The following STAP2 variants were observed in gnomAD, a reference collection of about 807,000 sequenced individuals.
STAP2 encodes the protein signal transducing adaptor family member 2.
In STAP2, 58 loss-of-function variants were observed where a neutral mutation model predicts 52.7. That is an observed-to-expected ratio of 1.10 (90% confidence interval 0.89 to 1.37). The LOEUF (loss-of-function observed/expected upper bound fraction) is 1.37. STAP2 is among the 40% of genes most tolerant of loss of function. The pLI, the probability that STAP2 is intolerant of heterozygous loss-of-function variation, is 0.00. For missense variants in STAP2, 522 were observed against 519.4 expected (o/e 1.00, Z -0.05); for synonymous variants, 231 against 210.5 (o/e 1.10, Z -0.84).
intron 4 of STAP2, 98 bp from the exon 5 acceptor site, chr19:4,330,159 G>A: frequency 1.1e-6 from 1 of 887,148 alleles, no homozygotes; most frequent in South Asian, 1.4e-5. Context: ...AGAGCTCAGA[G>A]CAATGAACTC....
chr19:4,334,820 C>CATCTGTCCATCCACCCACTGTCCA (rs1568388590), intron 1 of STAP2, among the ~76,000 whole-genome samples: 1 of 4,818 alleles, frequency 2.1e-4, no homozygotes, highest in Admixed American at 2.6e-3. Flanking sequence ...CATCCATCCA[C>CATCTGTCCATCCACCCACTGTCCA]TCATCCATCC....
chr19:4,332,918 C>T (rs1388573995), intron 3 of STAP2, among the ~76,000 whole-genome samples: 4 of 151,234 alleles, frequency 2.6e-5, no homozygotes, highest in African/African-American at 4.9e-5. Context: ...GGCCAGCCAC[C>T]GTGACTCATG....
intron 1 of STAP2, among the ~76,000 whole-genome samples, chr19:4,336,194 G>A (rs898992150): frequency 6.6e-6 from 1 of 151,488 alleles, no homozygotes; most frequent in Non-Finnish European, 1.5e-5. Flanking sequence ...GTATTTTTTA[G>A]TAGAGGTGGG....
At chr19:4,331,878 G>T in intron 4 of STAP2, 144 bp downstream of exon 4, 3 of 714,564 alleles carry the variant, frequency 4.2e-6, no homozygotes, top group Non-Finnish European at 6.7e-6. Flanking sequence ...CTTGCAGTGA[G>T]CCGAGATCGC....
chr19:4,327,136 C>A lies in STAP2; in HGVS notation c.751G>T (p.Glu251Ter), dbSNP rs370280345. Residue 251 changes from glutamate to a stop codon, truncating the protein, a stop_gained, in exon 8 of 13, where the codon GAG becomes TAG. Transcript: ENST00000594605. LOFTEE classifies it high-confidence loss of function. ...AAGGGGCACCCACCTAGCACCTTCT[C>A]GTAGTCCTCGTCTAACAGGAATGGC... ...LVPFLLDEDY[E>*]KVLGYVEADK... 9 of 1,614,042 alleles carry A rather than the reference C, an allele frequency of 5.6e-6. No homozygotes were observed. The highest frequency in any genetic ancestry group is 4.4e-5 in the South Asian group (4 of 91,076).
intron 4 of STAP2, among the ~76,000 whole-genome samples, chr19:4,330,530 C>T (rs920291815): frequency 5.4e-5 from 8 of 148,626 alleles, no homozygotes; most frequent in Non-Finnish European, 1.0e-4. Flanking sequence ...TCCCCGCTCC[C>T]CAACCCCACC....
At chr19:4,328,571 A>C in intron 6 of STAP2, 104 bp downstream of exon 6, 1 of 1,446,128 alleles carries the variant, frequency 6.9e-7, no homozygotes, top group Middle Eastern at 2.4e-4. Flanking sequence ...CCCCTGGCCT[A>C]CCCACTAGCG....
chr19:4,334,573 TCCAC>T (rs1367316230), intron 1 of STAP2, among the ~76,000 whole-genome samples: 1 of 140,964 alleles, frequency 7.1e-6, no homozygotes, highest in African/African-American at 2.6e-5. Flanking sequence ...CAGTTATTCA[TCCAC>T]CCACCCACCC....
intron 6 of STAP2, 53 bp downstream of exon 6, chr19:4,328,622 C>T: frequency 6.5e-7 from 1 of 1,541,896 alleles, no homozygotes; most frequent in Non-Finnish European, 8.8e-7. Flanking sequence ...CCCCCGCGCC[C>T]ACCCTCTTCC....
intron 9 of STAP2, among the ~76,000 whole-genome samples, chr19:4,325,875 A>G (rs943880416): frequency 6.6e-6 from 1 of 152,070 alleles, no homozygotes. Flanking sequence ...GGGCTGAGGC[A>G]GGAGAATCGC....
At chr19:4,335,541 A>G (rs975037666) in intron 1 of STAP2, among the ~76,000 whole-genome samples, 2 of 152,022 alleles carry the variant, frequency 1.3e-5, no homozygotes, top group Non-Finnish European at 2.9e-5. Context: ...TCATCCCCCC[A>G]TCTACCCATC....
At chr19:4,327,556 C>A (rs1971815431) in intron 6 of STAP2, among the ~76,000 whole-genome samples, 171 bp from the exon 7 acceptor site, 2 of 151,864 alleles carry the variant, frequency 1.3e-5, no homozygotes, top group Non-Finnish European at 2.9e-5. Flanking sequence ...AGGACCTAAG[C>A]CCCGTTGACC....
chr19:4,331,909 G>A lies in STAP2; in HGVS notation c.354+113C>T, dbSNP rs201641630. 4.4e-4 allele frequency: 493 copies of A among 1,127,810 alleles called. 2 individuals carry two copies. In the East Asian group the frequency reaches 0.012, roughly 27 times the overall value. 69.9% of individuals were successfully genotyped at this position (1,127,810 alleles called of 1,614,324 possible). A position where few individuals can be genotyped will look rare whatever the true frequency, so the allele number is the denominator to read the frequency against. ...ATCGCACCACTGCACTCCAGCCTGG[G>A]CGACAGAGCGAGACTCCGTCTCAAA... On this transcript the variant is annotated intron_variant, in intron 4 of 12. Coordinates refer to ENST00000594605, the MANE Select transcript of STAP2 (RefSeq NM_001013841.2).
chr19:4,329,253 C>A (rs1568386117), intron 5 of STAP2, among the ~76,000 whole-genome samples: 1 of 151,934 alleles, frequency 6.6e-6, no homozygotes, highest in Non-Finnish European at 1.5e-5. Context: ...GCGTGAGCCA[C>A]TGCATCTGGC....
chr19:4,329,011 T>G, intron 5 of STAP2: 4 of 681,888 alleles, frequency 5.9e-6, no homozygotes, highest in Admixed American at 3.5e-5. Flanking sequence ...TTTTTTGTTT[T>G]TTTTTTGAGA....
At chr19:4,332,001 G>A (rs778858327) in intron 4 of STAP2, 21 bp downstream of exon 4, 8 of 1,605,834 alleles carry the variant, frequency 5.0e-6, no homozygotes, top group Middle Eastern at 1.6e-4. Flanking sequence ...GAGAGAGGGC[G>A]CAGAGAGCCA....
rs762118875 is a variant in STAP2, at chr19:4,333,972, C to A, written c.174+1G>T. On this transcript the variant is annotated splice_donor_variant, in intron 2 of 12. Coordinates refer to ENST00000594605, the MANE Select transcript of STAP2 (RefSeq NM_001013841.2). LOFTEE classifies it high-confidence loss of function. ...TCTGGAGCCTCCATTCCCATCCTTA[C>A]CTGGAAGTCCCGATTGCTATTGTAG... 1.2e-6 allele frequency: 2 copies of A among 1,613,062 alleles called. No individual in the cohort carries two copies. The highest frequency in any genetic ancestry group is 1.7e-6 in the Non-Finnish European group (2 of 1,179,548).
At chr19:4,330,111 A>ATTCC in intron 4 of STAP2, 50 bp from the exon 5 acceptor site, 2 of 1,469,836 alleles carry the variant, frequency 1.4e-6, no homozygotes, top group Non-Finnish European at 1.9e-6. Flanking sequence ...CCGGGAATGG[A>ATTCC]CGGCTGTGCC....
intron 4 of STAP2, among the ~76,000 whole-genome samples, chr19:4,330,632 GGTGAGGT>G (rs1971874405): frequency 6.6e-6 from 1 of 151,860 alleles, no homozygotes; most frequent in Admixed American, 6.6e-5. Context: ...GGCCTGCCAG[GGTGAGGT>G]AGGAAACAGG....
Sources: gnomAD v4.1 joint callset for allele counts (sites outside exome capture counted in the v4.1 genomes callset) on GRCh38, gnomAD v4.1.1 for gene constraint, MANE v1.5 for transcripts, NCBI Gene and HGNC (gene_info 2026-07-23, HGNC 2026-07-21) for gene names.